Variants in DPP6 observed in about 807,000 individuals in gnomAD.
The protein encoded by DPP6 is dipeptidyl peptidase like 6, also known as A-type potassium channel modulatory protein DPP6.
In DPP6, 69 loss-of-function variants were observed where a neutral mutation model predicts 122.6. The ratio of observed to expected loss-of-function variants is 0.56; its 90% CI spans 0.46 to 0.69. The LOEUF (loss-of-function observed/expected upper bound fraction) is 0.69. Ranked by LOEUF, DPP6 falls within the 30% of genes least tolerant of loss-of-function variation. The pLI is 0.00. For missense variants in DPP6, 928 were observed against 1,116.9 expected (o/e 0.83, Z 2.41); for synonymous variants, 418 against 433.1 (o/e 0.97, Z 0.43).
the DPP6 span, among the ~76,000 whole-genome samples, chr7:153,838,544 A>G: frequency 6.6e-6 from 1 of 152,210 alleles, no homozygotes; most frequent in Non-Finnish European, 1.5e-5. Flanking sequence ...ACATGAAAAT[A>G]AGAGAAAGAG....
At chr7:154,126,828 C>T (rs1807924007) in intron 1 of DPP6, among the ~76,000 whole-genome samples, 2 of 152,200 alleles carry the variant, frequency 1.3e-5, no homozygotes, top group African/African-American at 4.8e-5. Context: ...CCCAGTTTGC[C>T]TTCCGAATAT....
At chr7:154,779,291 A>T (rs1466375006) in intron 10 of DPP6, among the ~76,000 whole-genome samples, 2 of 64,834 alleles carry the variant, frequency 3.1e-5, no homozygotes, top group South Asian at 5.2e-4. Context: ...CACCACCCCC[A>T]CTACTATCAC....
At chr7:154,633,873 C>T (rs28738807) in intron 5 of DPP6, among the ~76,000 whole-genome samples, 10,395 of 152,128 alleles carry the variant, frequency 0.068, 1,146 homozygotes, top group African/African-American at 0.23. Context: ...TGCACTTCCA[C>T]GCTGAAGCCT....
At chr7:154,335,336 C>T (rs1035215532) in intron 1 of DPP6, among the ~76,000 whole-genome samples, 1 of 152,164 alleles carries the variant, frequency 6.6e-6, no homozygotes, top group African/African-American at 2.4e-5. Flanking sequence ...AAAACAAACT[C>T]TCAATGCCAC....
chr7:153,799,940 G>C, the DPP6 span, among the ~76,000 whole-genome samples: 1 of 152,192 alleles, frequency 6.6e-6, no homozygotes, highest in African/African-American at 2.4e-5. Flanking sequence ...GAGATGCACA[G>C]AAAGGGGAAT....
At chr7:154,166,496 G>A (rs1292087150) in intron 1 of DPP6, among the ~76,000 whole-genome samples, 5 of 152,138 alleles carry the variant, frequency 3.3e-5, no homozygotes, top group South Asian at 4.1e-4. Flanking sequence ...AAACTGAGGC[G>A]TGGACTACAG....
intron 1 of DPP6, among the ~76,000 whole-genome samples, chr7:154,060,819 GCA>G (rs1245048930): frequency 8.2e-5 from 11 of 134,430 alleles, no homozygotes; most frequent in African/African-American, 3.0e-4. Context: ...CCCCCATGAG[GCA>G]GGGACTGAGA....
chr7:154,026,279 C>T (rs1253501736), intron 1 of DPP6: 1 of 152,028 alleles, frequency 6.6e-6, no homozygotes, highest in African/African-American at 2.4e-5. Flanking sequence ...CACCTGGAAG[C>T]TTTCACCTGG....
intron 1 of DPP6, among the ~76,000 whole-genome samples, chr7:154,340,590 A>C (rs1421242590): frequency 6.6e-6 from 1 of 152,210 alleles, no homozygotes; most frequent in East Asian, 1.9e-4. Flanking sequence ...ACTGATCTTC[A>C]TGCTATCTCT....
the DPP6 span, among the ~76,000 whole-genome samples, chr7:153,871,011 G>A: frequency 3.9e-5 from 6 of 152,296 alleles, no homozygotes; most frequent in South Asian, 1.2e-3. Flanking sequence ...TCCTCTGGAA[G>A]TTTTGTCTCA....
chr7:154,402,003 A>C (rs1815654989), intron 1 of DPP6, among the ~76,000 whole-genome samples: 1 of 152,234 alleles, frequency 6.6e-6, no homozygotes, highest in Non-Finnish European at 1.5e-5. Flanking sequence ...GAAAATGCTC[A>C]CCATCACTGG....
chr7:154,565,977 G>A (rs1830722096), intron 4 of DPP6, among the ~76,000 whole-genome samples: 2 of 152,168 alleles, frequency 1.3e-5, no homozygotes, highest in African/African-American at 4.8e-5. Context: ...CAGAGGGCAG[G>A]GGCAATTAAA....
chr7:153,753,797 G>A, the DPP6 span, among the ~76,000 whole-genome samples: 689 of 152,196 alleles, frequency 4.5e-3, 7 homozygotes, highest in Non-Finnish European at 5.7e-3. Context: ...CCTCTCTGAT[G>A]AATGCAGTGA....
At chr7:154,036,028 G>A (rs1799507754) in intron 1 of DPP6, among the ~76,000 whole-genome samples, 1 of 150,818 alleles carries the variant, frequency 6.6e-6, no homozygotes, top group Non-Finnish European at 1.5e-5. Flanking sequence ...GCTTGTGTGT[G>A]TGTGTGTGTG....
intron 5 of DPP6, among the ~76,000 whole-genome samples, chr7:154,628,049 G>C (rs1180676832): frequency 6.6e-6 from 1 of 152,194 alleles, no homozygotes; most frequent in Non-Finnish European, 1.5e-5. Context: ...GCAGAGGTCA[G>C]CACCTGCTTG....
chr7:154,106,103 G>A (rs1168874884), intron 1 of DPP6, among the ~76,000 whole-genome samples: 1 of 151,930 alleles, frequency 6.6e-6, no homozygotes, highest in Non-Finnish European at 1.5e-5. Context: ...AGAAAGGGGT[G>A]GCAGACTCTG....
intron 7 of DPP6, among the ~76,000 whole-genome samples, chr7:154,720,807 C>G (rs1162853582): frequency 6.6e-6 from 1 of 152,260 alleles, no homozygotes; most frequent in Non-Finnish European, 1.5e-5. Flanking sequence ...GCTGAGCCAG[C>G]TGACAGGGTC....
chr7:154,301,679 T>A (rs1805910052), intron 1 of DPP6, among the ~76,000 whole-genome samples: 1 of 152,112 alleles, frequency 6.6e-6, no homozygotes. Context: ...GAGGATAAAC[T>A]TAAGTACAAT....
the DPP6 span, among the ~76,000 whole-genome samples, chr7:153,832,712 A>C: frequency 1.0e-5 from 1 of 97,494 alleles, no homozygotes; most frequent in South Asian, 2.8e-4. Flanking sequence ...ATGTGGCATA[A>C]GGTAGTTAGA....
Sources: gnomAD v4.1 joint callset for allele counts (sites outside exome capture counted in the v4.1 genomes callset) on GRCh38, gnomAD v4.1.1 for gene constraint, MANE v1.5 for transcripts, NCBI Gene and HGNC (gene_info 2026-07-23, HGNC 2026-07-21) for gene names.